Variants in RYR1 observed in about 807,000 individuals in gnomAD.
The protein encoded by RYR1 is ryanodine receptor 1, also known as central core disease of muscle.
Under a neutral mutation model 583.5 loss-of-function variants are expected in RYR1, and 342 were observed. That is an observed-to-expected ratio of 0.59 (90% confidence interval 0.54 to 0.64). The LOEUF (loss-of-function observed/expected upper bound fraction) is 0.64. RYR1 is among the 30% of genes least tolerant of loss of function. The pLI is 0.00. For synonymous variants in RYR1, 2,791 were observed against 2,822.5 expected (o/e 0.99, Z 0.35); for missense variants, 6,032 against 6,917.2 (o/e 0.87, Z 4.54).
chr19:38,452,601 C>T lies in RYR1; in HGVS notation c.1245-218C>T, dbSNP rs79884297. Among the ~76,000 whole-genome samples, 6,153 of 152,144 alleles carry T rather than the reference C, an allele frequency of 0.04. 152 individuals carry two copies. The highest frequency in any genetic ancestry group is 0.088 in the Middle Eastern group (26 of 294). On this transcript the variant is annotated intron_variant, in intron 12 of 105. Transcript: ENST00000359596. ...CCTGGACCTCTCCATCCCTGAGTTC[C>T]GGGACCCCCCTGTACCTACACAGGA...
chr19:38,455,238 A>G lies in RYR1; in HGVS notation c.1444A>G (p.Met482Val). 6.2e-7 allele frequency: 1 copy of G among 1,613,952 alleles called. No individual in the cohort carries two copies. Among genetic ancestry groups the G allele is most frequent in the Non-Finnish European group, 8.5e-7 (1 of 1,179,960 alleles). The change falls in exon 14 of 106, where the codon ATG becomes GTG. Residue 482 changes from methionine (M) to valine (V), a missense_variant. Physicochemically the swap from Met to Val is conservative, Grantham distance 21. Around this residue, in one of 11 missense-constraint regions of RYR1, gnomAD observed 2,627 missense variants for 2,961.3 expected, o/e 0.89. Coordinates refer to ENST00000359596, the MANE Select transcript of RYR1 (RefSeq NM_000540.3). Reference sequence around the variant, plus strand: ...CCTCTTATTTTCCTCATCCTAGGGGATGCTCTCCATGGTCCTGAATTGCAT... The same window carrying G: ...CCTCTTATTTTCCTCATCCTAGGGGGTGCTCTCCATGGTCCTGAATTGCAT... ...NRQSLFQEEG[M>V]LSMVLNCIDR... is the part of the protein sequence containing the mutation.
Position 38,543,506 on chromosome 19 carries a change from C to G in RYR1, c.11779-26C>G, listed in dbSNP as rs1471876092. Reference sequence around the variant, plus strand: ...AGGGCCATGGTCGGCCCCAGCACCCCCTCACACCCTACCCGCCCCCACCAG... The same window carrying G: ...AGGGCCATGGTCGGCCCCAGCACCCGCTCACACCCTACCCGCCCCCACCAG... On this transcript the variant is annotated intron_variant, in intron 85 of 105. Transcript: ENST00000359596. This position sits in a 1 kb window ranked among gnomAD's most constrained non-coding sequence, Gnocchi z 4.4. 1 of 1,614,170 alleles carries G rather than the reference C, an allele frequency of 6.2e-7. No homozygotes were observed. Among genetic ancestry groups the G allele is most frequent in the South Asian group, 1.1e-5 (1 of 91,084 alleles).
At chr19:38,541,585 G>A (rs5029201) in intron 84 of RYR1, among the ~76,000 whole-genome samples, 19 of 124,352 alleles carry the variant, frequency 1.5e-4, no homozygotes, top group African/African-American at 5.8e-4. Context: ...GCGTGGTGGC[G>A]CATGCCTGTA....
chr19:38,481,460 T>C (rs1042808423), intron 31 of RYR1, among the ~76,000 whole-genome samples: 3 of 152,198 alleles, frequency 2.0e-5, no homozygotes, highest in African/African-American at 7.2e-5. Flanking sequence ...TCATATATTT[T>C]AGGTGGTTGC....
chr19:38,528,861 GA>G, intron 75 of RYR1, 89 bp from the exon 76 acceptor site: 41 of 1,498,764 alleles, frequency 2.7e-5, no homozygotes, highest in Admixed American at 9.2e-5. Context: ...TGGGAAAAGA[GA>G]AAAAAAAATC....
intron 76 of RYR1, 66 bp from the exon 77 acceptor site, chr19:38,532,424 A>G (rs1971778119): frequency 6.5e-7 from 1 of 1,544,826 alleles, no homozygotes; most frequent in Admixed American, 1.7e-5. Context: ...CACCCTGCCC[A>G]GAAGCTCTTA....
chr19:38,509,979 T>G, intron 58 of RYR1, among the ~76,000 whole-genome samples: 1 of 152,200 alleles, frequency 6.6e-6, no homozygotes, highest in South Asian at 2.1e-4. Flanking sequence ...CCTTAACCCA[T>G]TCCAGTTTGT....
rs1156704143 is a variant in RYR1 at position 38,466,161 on chromosome 19, A to G, written c.2941A>G (p.Thr981Ala). 3 of 1,613,490 alleles carry G rather than the reference A, an allele frequency of 1.9e-6. No homozygotes were observed. Among genetic ancestry groups the G allele is most frequent in the African/African-American group, 1.3e-5 (1 of 74,932 alleles). Residue 981 changes from threonine (T) to alanine (A), a missense_variant, in exon 24 of 106, where the codon ACG (threonine) becomes GCG (alanine). This residue lies in a region of RYR1 where 2,627 missense variants were observed against 2,961.3 expected (regional missense o/e 0.89). Coordinates refer to ENST00000359596, the MANE Select transcript of RYR1 (RefSeq NM_000540.3). The part of the protein sequence containing the change: ...LSHVRLTPAQ[T>A]TLVDRLAENG... ...CCACGTGCGGCTGACGCCGGCGCAG[A>G]CGACACTGGTGGACCGTCTGGCAGA...
chr19:38,570,352 G>A (rs1001767321), intron 93 of RYR1, among the ~76,000 whole-genome samples: 4 of 151,910 alleles, frequency 2.6e-5, no homozygotes, highest in Admixed American at 1.3e-4. Context: ...CTCGGGAGGC[G>A]GCAGCAGAGG....
chr19:38,521,715 AT>A (rs76100552), intron 67 of RYR1, among the ~76,000 whole-genome samples: 387 of 137,780 alleles, frequency 2.8e-3, no homozygotes, highest in African/African-American at 5.1e-3. Flanking sequence ...AAAAAAGAAA[AT>A]TTTTTTTTTT....
rs1320852316 is a variant in RYR1 at position 38,486,196 on chromosome 19, C to A, written c.5541C>A (p.Thr1847=). The change falls in exon 34 of 106, where the codon ACC becomes ACA. Residue 1847 remains threonine (T), a synonymous_variant. Transcript: ENST00000359596. ...TGCCTGTGCTCAAGCTCGTGTCCAC[C>A]CTGCTGGTAATGGCTTCCTCCTGCT... ...QFVPVLKLVS[T]LLVMGIFGDE... is the part of the protein sequence containing the mutation. 1.2e-6 allele frequency: 2 copies of A among 1,612,916 alleles called. No homozygotes were observed. The highest frequency in any genetic ancestry group is 8.5e-7 in the Non-Finnish European group (1 of 1,179,948).
intron 29 of RYR1, 150 bp from the exon 30 acceptor site, chr19:38,477,560 A>G (rs1968794971): frequency 1.1e-6 from 1 of 875,674 alleles, no homozygotes; most frequent in African/African-American, 1.7e-5. Flanking sequence ...ACAGAAACAG[A>G]CATAACCAGG....
chr19:38,565,359 G>A lies in RYR1; in HGVS notation c.13025G>A (p.Arg4342His), dbSNP rs1441260819. The stretch of plus-strand genomic sequence containing the variant: ...GCGCTGCTCTGGGCAGCAGTGACGC[G>A]CGCTGGGGCCGCTGGCGCGGGGGCG... Reference protein sequence around the residue: ...VAALLWAAVTRAGAAGAGAAA... With the variant: ...VAALLWAAVTHAGAAGAGAAA... The change falls in exon 91 of 106, where the codon CGC (arginine) becomes CAC (histidine). Residue 4342 changes from arginine to histidine, a missense_variant. This residue lies in a region of RYR1 where 753 missense variants were observed against 759.6 expected (regional missense o/e 0.99). Transcript: ENST00000359596. The surrounding 1 kb of genome is among the most constrained non-coding windows in gnomAD (Gnocchi z 4.7). 1 of 1,306,618 alleles carries A rather than the reference G, an allele frequency of 7.7e-7. No individual in the cohort carries two copies. Among genetic ancestry groups the A allele is most frequent in the Non-Finnish European group, 9.6e-7 (1 of 1,037,556 alleles). 80.9% of individuals were successfully genotyped at this position (1,306,618 alleles called of 1,614,324 possible).
At chr19:38,460,307 C>A in intron 19 of RYR1, 68 bp from the exon 20 acceptor site, 1 of 1,399,688 alleles carries the variant, frequency 7.1e-7, no homozygotes, top group Non-Finnish European at 1.0e-6. Flanking sequence ...GCTTCCATGT[C>A]CCCCACTGAC....
intron 84 of RYR1, among the ~76,000 whole-genome samples, chr19:38,538,988 G>C (rs984783824): frequency 5.3e-5 from 8 of 152,176 alleles, no homozygotes; most frequent in African/African-American, 1.9e-4. Flanking sequence ...GGAAACCACA[G>C]ACTACCCGGA....
intron 20 of RYR1, among the ~76,000 whole-genome samples, chr19:38,461,123 C>T (rs1286335911): frequency 6.6e-6 from 1 of 151,648 alleles, no homozygotes; most frequent in Non-Finnish European, 1.5e-5. Context: ...CACTACACTC[C>T]AGCCTGGGCA....
chr19:38,535,713 C>T (rs1169241628), intron 81 of RYR1: 2 of 590,750 alleles, frequency 3.4e-6, no homozygotes, highest in East Asian at 5.7e-5. Flanking sequence ...TGTTGTCTGC[C>T]TTTATTCACC....
Position 38,433,791 on chromosome 19 carries a change from T to C in RYR1, c.-39T>C. On this transcript the variant is annotated 5_prime_UTR_variant, in exon 1 of 106. Coordinates refer to ENST00000359596, the MANE Select transcript of RYR1 (RefSeq NM_000540.3). Reference sequence around the variant, plus strand: ...CCCAGCCCGCAGCCCCCTCCCTCTGTTCCCCGACCTCAGACCCTGGGCTTC... The same window carrying C: ...CCCAGCCCGCAGCCCCCTCCCTCTGCTCCCCGACCTCAGACCCTGGGCTTC... 8.3e-7 allele frequency: 1 copy of C among 1,201,038 alleles called. No individual in the cohort carries two copies. The highest frequency in any genetic ancestry group is 1.2e-6 in the Non-Finnish European group (1 of 858,084). 74.4% of individuals were successfully genotyped at this position (1,201,038 alleles called of 1,614,324 possible). A position where few individuals can be genotyped will look rare whatever the true frequency, so the allele number is the denominator to read the frequency against.
intron 70 of RYR1, 132 bp downstream of exon 70, chr19:38,524,061 C>A: frequency 1.0e-6 from 1 of 1,003,104 alleles, no homozygotes; most frequent in South Asian, 1.4e-5. Context: ...CAGCCCCCAC[C>A]CATCCTCCTT....
Sources: allele counts gnomAD v4.1 joint callset (sites outside exome capture counted in the v4.1 genomes callset), GRCh38; gene constraint gnomAD v4.1.1; regional missense constraint gnomAD v4.1.1; non-coding constraint Gnocchi (gnomAD v3.1); transcripts MANE v1.5; gene names NCBI Gene and HGNC (gene_info 2026-07-23, HGNC 2026-07-21).